FHIT: variants seen among roughly 807,000 people sequenced by gnomAD.
FHIT encodes the protein fragile histidine triad diadenosine triphosphatase.
FHIT carries 19 observed loss-of-function variants against 17.9 expected under a neutral mutation model. The observed-to-expected ratio is 1.06, with a 90% confidence interval of 0.74 to 1.56. The LOEUF is 1.56. FHIT is among the 40% of genes most tolerant of loss of function. The pLI, the probability that FHIT is intolerant of heterozygous loss-of-function variation, is 0.00. For missense variants in FHIT, 248 were observed against 189.2 expected (o/e 1.31, Z -1.82); for synonymous variants, 81 against 69.7 (o/e 1.16, Z -0.81).
chr3:60,721,086 A>C lies in FHIT; in HGVS notation c.-18+100833T>G, dbSNP rs938829234. On this transcript the variant is annotated intron_variant, in intron 4 of 9. Transcript: ENST00000492590. Reference sequence around the variant, plus strand: ...AAATCTGTCATAATTGTTTTGTTGAAGCAATTGCTTTGTGGGAGCAATTAA... The same window carrying C: ...AAATCTGTCATAATTGTTTTGTTGACGCAATTGCTTTGTGGGAGCAATTAA... Among the ~76,000 whole-genome samples, 3 of 152,148 alleles carry C rather than the reference A, an allele frequency of 2.0e-5. No individual in the cohort carries two copies. In the East Asian group the frequency reaches 5.8e-4, roughly 29 times the overall value.
Position 59,922,384 on chromosome 3 carries a change from C to T in FHIT, c.310G>A (p.Ala104Thr), listed in dbSNP as rs975430516. The change falls in exon 8 of 10, where the codon GCT becomes ACT. Residue 104 changes from alanine (A) to threonine (T), a missense_variant. Ala to Thr is a moderately conservative substitution (Grantham distance 58). Transcript: ENST00000492590. ...HVHVHVLPRK[A>T]GDFHRNDSIY... ...CTGTCATTCCTGTGAAAGTCTCCAG[C>T]CTTCCTGGGAAGAACATGGACGTGA... is the stretch of plus-strand genomic sequence containing the variant. 5.0e-6 allele frequency: 8 copies of T among 1,613,796 alleles called. No homozygotes were observed. Among genetic ancestry groups the T allele is most frequent in the Admixed American group, 1.7e-5 (1 of 59,966 alleles).
At chr3:61,110,178 A>G (rs1029823768) in intron 2 of FHIT, among the ~76,000 whole-genome samples, 7 of 152,076 alleles carry the variant, frequency 4.6e-5, no homozygotes, top group African/African-American at 1.7e-4. Flanking sequence ...TCTTGTTCCC[A>G]ACTGTCTCTC....
chr3:61,008,529 A>G (rs2031591762), intron 3 of FHIT, among the ~76,000 whole-genome samples: 1 of 151,784 alleles, frequency 6.6e-6, no homozygotes, highest in Non-Finnish European at 1.5e-5. Flanking sequence ...AGCTCTTTGA[A>G]GCCTCCCTGA....
At chr3:60,731,099 C>T (rs1553711087) in intron 4 of FHIT, among the ~76,000 whole-genome samples, 1 of 152,002 alleles carries the variant, frequency 6.6e-6, no homozygotes, top group African/African-American at 2.4e-5. Context: ...CCACTACACT[C>T]CAGCCTGGGT....
chr3:60,794,202 C>T (rs907594074), intron 4 of FHIT, among the ~76,000 whole-genome samples: 9 of 152,072 alleles, frequency 5.9e-5, no homozygotes, highest in African/African-American at 2.2e-4. Flanking sequence ...TTTAAACATT[C>T]TTTTTAAAAA....
chr3:60,355,533 C>G (rs1244918589), intron 5 of FHIT, among the ~76,000 whole-genome samples: 14 of 151,086 alleles, frequency 9.3e-5, no homozygotes, highest in Admixed American at 9.2e-4. Context: ...TTTCAAAAGG[C>G]TGCATACAAT....
intron 5 of FHIT, among the ~76,000 whole-genome samples, chr3:60,484,940 G>A (rs1055952076): frequency 6.6e-6 from 1 of 151,768 alleles, no homozygotes; most frequent in African/African-American, 2.4e-5. Context: ...AACTTACAAG[G>A]AACTTAAACA....
chr3:60,006,337 G>A (rs764829504), intron 7 of FHIT, among the ~76,000 whole-genome samples: 2 of 152,164 alleles, frequency 1.3e-5, no homozygotes, highest in African/African-American at 2.4e-5. Flanking sequence ...CATTCGTAGC[G>A]AGAGAATTCA....
chr3:60,983,546 C>A (rs964765585), intron 3 of FHIT, among the ~76,000 whole-genome samples: 3 of 152,134 alleles, frequency 2.0e-5, no homozygotes, highest in African/African-American at 7.2e-5. Flanking sequence ...GGGGAGATGA[C>A]AGGCTGACTT....
chr3:60,093,879 C>G (rs774570985), intron 5 of FHIT, among the ~76,000 whole-genome samples: 2 of 152,156 alleles, frequency 1.3e-5, no homozygotes, highest in Non-Finnish European at 2.9e-5. Flanking sequence ...GACTGCTGTT[C>G]TATATTGCCT....
chr3:59,851,775 G>A (rs1429587784), intron 8 of FHIT, among the ~76,000 whole-genome samples: 2 of 152,162 alleles, frequency 1.3e-5, no homozygotes, highest in African/African-American at 4.8e-5. Context: ...GCATTATTAT[G>A]TTAGTTTCTT....
intron 8 of FHIT, among the ~76,000 whole-genome samples, chr3:59,791,396 C>A (rs958878335): frequency 5.3e-5 from 8 of 152,152 alleles, no homozygotes; most frequent in Admixed American, 3.3e-4. Context: ...TGCTGGTGTT[C>A]GCATTACCTT....
At chr3:60,498,668 C>CACT (rs2034401373) in intron 5 of FHIT, among the ~76,000 whole-genome samples, 1 of 152,154 alleles carries the variant, frequency 6.6e-6, no homozygotes, top group Non-Finnish European at 1.5e-5. Flanking sequence ...TACTCCACTG[C>CACT]ACTAGGCAAA....
intron 5 of FHIT, among the ~76,000 whole-genome samples, chr3:60,243,539 G>C (rs964344266): frequency 1.3e-5 from 2 of 152,034 alleles, no homozygotes; most frequent in African/African-American, 4.8e-5. Flanking sequence ...TACATCTTTT[G>C]ACCAAATTCC....
intron 8 of FHIT, among the ~76,000 whole-genome samples, chr3:59,895,994 A>G (rs1704052616): frequency 6.6e-6 from 1 of 152,152 alleles, no homozygotes; most frequent in African/African-American, 2.4e-5. Flanking sequence ...ACTTTCACAT[A>G]ATTCAGGAAG....
At chr3:61,150,781 T>C (rs924409309) in intron 2 of FHIT, among the ~76,000 whole-genome samples, 1 of 152,000 alleles carries the variant, frequency 6.6e-6, no homozygotes, top group African/African-American at 2.4e-5. Flanking sequence ...CCGACAGCAA[T>C]GGGGCTTTTG....
intron 5 of FHIT, among the ~76,000 whole-genome samples, chr3:60,447,671 A>G (rs923787563): frequency 1.3e-5 from 2 of 152,164 alleles, no homozygotes; most frequent in South Asian, 4.1e-4. Context: ...TAATAAAAAA[A>G]ATCACAAGAC....
chr3:60,165,338 T>A (rs769777476), intron 5 of FHIT, among the ~76,000 whole-genome samples: 1 of 152,218 alleles, frequency 6.6e-6, no homozygotes, highest in Non-Finnish European at 1.5e-5. Flanking sequence ...TTTTGTAGGC[T>A]TAAATCTCCA....
intron 4 of FHIT, among the ~76,000 whole-genome samples, chr3:60,623,812 C>T (rs1005346978): frequency 6.6e-5 from 10 of 152,110 alleles, no homozygotes; most frequent in African/African-American, 1.9e-4. Context: ...TTGCCCAACC[C>T]GATTTGGTCT....
Sources: gnomAD v4.1 joint callset for allele counts (sites outside exome capture counted in the v4.1 genomes callset) on GRCh38, gnomAD v4.1.1 for gene constraint, MANE v1.5 for transcripts, NCBI Gene and HGNC (gene_info 2026-07-23, HGNC 2026-07-21) for gene names.